DIXDC1: variants seen among roughly 807,000 people sequenced by gnomAD.
The protein encoded by DIXDC1 is DIX domain containing 1.
DIXDC1 carries 64 observed loss-of-function variants against 103.1 expected under a neutral mutation model. The observed-to-expected ratio is 0.62, with a 90% CI of 0.51 to 0.76. DIXDC1 has a LOEUF of 0.76. Ranked by LOEUF, DIXDC1 falls within the 30% of genes least tolerant of loss-of-function variation. DIXDC1 has a pLI of 0.00. For missense variants in DIXDC1, 759 were observed against 834.2 expected, an observed-to-expected ratio of 0.91 and a Z score of 1.11; for synonymous variants, 266 against 298.5, an observed-to-expected ratio of 0.89 and a Z score of 1.12.
chr11:111,959,556 C>T (rs896594609), intron 1 of DIXDC1, among the ~76,000 whole-genome samples: 7 of 152,360 alleles, frequency 4.6e-5, no homozygotes, highest in Non-Finnish European at 5.9e-5. Flanking sequence ...TTAGCAGGCA[C>T]GGGATCCAAG....
upstream of DIXDC1, among the ~76,000 whole-genome samples, chr11:111,936,991 GTGTGTGTA>G (rs782679437): frequency 0.14 from 21,080 of 151,102 alleles, 1,756 homozygotes; most frequent in African/African-American, 0.22. Context: ...GTCAACGTGT[GTGTGTGTA>G]TGTGTGTATG....
At chr11:111,970,521 G>C (rs1222104455) in intron 3 of DIXDC1, among the ~76,000 whole-genome samples, 2 of 152,028 alleles carry the variant, frequency 1.3e-5, no homozygotes, top group African/African-American at 4.8e-5. Flanking sequence ...AATTAGCTGG[G>C]TGTGGTGGTG....
chr11:112,004,364 G>A (rs969763039), intron 17 of DIXDC1, among the ~76,000 whole-genome samples: 1 of 152,174 alleles, frequency 6.6e-6, no homozygotes, highest in African/African-American at 2.4e-5. Flanking sequence ...CACTGTGGAA[G>A]CGAAGTAAAT....
intron 2 of DIXDC1, among the ~76,000 whole-genome samples, chr11:111,965,088 A>G (rs1555171389): frequency 2.0e-5 from 3 of 152,156 alleles, no homozygotes; most frequent in African/African-American, 7.2e-5. Flanking sequence ...GGCCTACCAG[A>G]AGAATTGGTA....
intron 17 of DIXDC1, among the ~76,000 whole-genome samples, chr11:112,006,455 A>G (rs1227170660): frequency 6.6e-6 from 1 of 152,244 alleles, no homozygotes; most frequent in Admixed American, 6.5e-5. Context: ...ATGGCGTTTG[A>G]GCTCTGAGAA....
At chr11:111,988,368 A>G (rs1860570549) in intron 9 of DIXDC1, among the ~76,000 whole-genome samples, 1 of 152,196 alleles carries the variant, frequency 6.6e-6, no homozygotes, top group African/African-American at 2.4e-5. Context: ...TGTTAATTGC[A>G]AAATCTTGAT....
intron 6 of DIXDC1, among the ~76,000 whole-genome samples, chr11:111,981,708 C>T (rs1329929110): frequency 6.6e-6 from 1 of 152,160 alleles, no homozygotes; most frequent in Non-Finnish European, 1.5e-5. Flanking sequence ...GAGTTTATGC[C>T]TTTCTGAATT....
intron 1 of DIXDC1, among the ~76,000 whole-genome samples, chr11:111,941,868 A>ACC (rs1212735048): frequency 2.0e-5 from 3 of 151,478 alleles, no homozygotes; most frequent in Non-Finnish European, 4.4e-5. Context: ...ACACACACAC[A>ACC]CACACCCACG....
At chr11:111,954,911 C>T (rs1966877197) in intron 1 of DIXDC1, among the ~76,000 whole-genome samples, 1 of 151,838 alleles carries the variant, frequency 6.6e-6, no homozygotes, top group South Asian at 2.1e-4. Context: ...TATATATATA[C>T]ACACACAACA....
At chr11:112,005,505 G>A (rs1265841624) in intron 17 of DIXDC1, among the ~76,000 whole-genome samples, 3 of 152,032 alleles carry the variant, frequency 2.0e-5, no homozygotes, top group African/African-American at 7.2e-5. Flanking sequence ...AGACAAGCCT[G>A]GGCAACATGG....
chr11:111,996,109 A>G lies in DIXDC1; in HGVS notation c.1719A>G (p.Val573=). The G allele has an allele frequency of 1.2e-6, 2 of 1,613,828 alleles. No homozygotes were observed. The highest frequency in any genetic ancestry group is 2.2e-5 in the East Asian group (1 of 44,886). The stretch of plus-strand genomic sequence containing the variant: ...GGGTCAAGTCACCCAGAACTCAAGT[A>G]GGTAGTGAATACCGGGAGTCCTGGC... ...KVRVKSPRTQ[V]GSEYRESWPP... Residue 573 remains valine, a synonymous_variant, in exon 17 of 20, where the codon GTA becomes GTG. Coordinates refer to ENST00000440460, the MANE Select transcript of DIXDC1 (RefSeq NM_001037954.4).
At chr11:111,972,459 T>C (rs1859967561) in intron 3 of DIXDC1, among the ~76,000 whole-genome samples, 1 of 152,202 alleles carries the variant, frequency 6.6e-6, no homozygotes, top group African/African-American at 2.4e-5. Flanking sequence ...CATTGATTTT[T>C]GTCCCCTTCT....
At chr11:111,993,139 A>G (rs1207703207) in intron 12 of DIXDC1, 135 bp downstream of exon 12, 5 of 1,021,912 alleles carry the variant, frequency 4.9e-6, no homozygotes, top group Non-Finnish European at 7.0e-6. Context: ...TTTAGAAGGA[A>G]GCATTTTTCT....
rs782680028 is a variant in DIXDC1 at position 111,976,089 on chromosome 11, C to T, written c.656+1106C>T. On this transcript the variant is annotated intron_variant, in intron 5 of 19. Transcript: ENST00000440460. This position sits in a 1 kb window ranked among gnomAD's most constrained non-coding sequence, Gnocchi z 4.3. The stretch of plus-strand genomic sequence containing the variant: ...TTCATCACCCCAAAAGGAAGCCCTG[C>T]GCCCATTAAGCAGCAGGTGTGCTTT... The T allele has an allele frequency of 9.1e-5, 20 of 218,858 alleles. No homozygotes were observed. Among genetic ancestry groups the T allele is most frequent in the Admixed American group, 2.0e-4 (3 of 15,342 alleles). 13.6% of individuals were successfully genotyped at this position (218,858 alleles called of 1,614,324 possible).
intron 7 of DIXDC1, among the ~76,000 whole-genome samples, chr11:111,983,987 T>C (rs1860407726): frequency 6.6e-6 from 1 of 152,224 alleles, no homozygotes; most frequent in Admixed American, 6.5e-5. Context: ...AGTTGATATT[T>C]CCATAATGTT....
rs1176332376 is a variant in DIXDC1 at position 111,958,469 on chromosome 11, G to A, written c.61-6080G>A. On this transcript the variant is annotated intron_variant, in intron 1 of 19. Coordinates refer to ENST00000440460, the MANE Select transcript of DIXDC1 (RefSeq NM_001037954.4). The surrounding 1 kb of genome is among the most constrained non-coding windows in gnomAD (Gnocchi z 4.2). ...CCGGGCACTGCCACAACCTGGCTGG[G>A]TGTGCACAGGGTTGGGGCAGCACTG... 6.6e-6 allele frequency among the ~76,000 whole-genome samples: 1 copy of A among 152,234 alleles called. No homozygotes were observed. The highest frequency in any genetic ancestry group is 2.4e-5 in the African/African-American group (1 of 41,474).
intron 3 of DIXDC1, among the ~76,000 whole-genome samples, chr11:111,972,247 T>A (rs1859960755): frequency 6.6e-6 from 1 of 152,244 alleles, no homozygotes; most frequent in African/African-American, 2.4e-5. Context: ...TTCACCAGAC[T>A]TACCACACTG....
chr11:111,977,737 G>A lies in DIXDC1; in HGVS notation c.656+2754G>A. On this transcript the variant is annotated intron_variant, in intron 5 of 19. Coordinates refer to ENST00000440460, the MANE Select transcript of DIXDC1 (RefSeq NM_001037954.4). The surrounding 1 kb of genome is among the most constrained non-coding windows in gnomAD (Gnocchi z 6.1). ...TCAGCCTCCCACTTCACCCGGGGAC[G>A]CAGGCTTGCTGAAGCCCGAGACAGG... The A allele has an allele frequency of 1.3e-6, 2 of 1,557,846 alleles. No individual in the cohort carries two copies. Among genetic ancestry groups the A allele is most frequent in the South Asian group, 1.2e-5 (1 of 84,554 alleles).
rs914002278 is a variant in DIXDC1 at position 111,992,265 on chromosome 11, C to G, written c.1114-150C>G. The G allele has an allele frequency of 4.7e-6, 3 of 639,694 alleles. No individual in the cohort carries two copies. The Admixed American group carries it at 9.1e-5, about 19-fold the overall frequency. 39.6% of individuals were successfully genotyped at this position (639,694 alleles called of 1,614,324 possible). A position where few individuals can be genotyped will look rare whatever the true frequency, so the allele number is the denominator to read the frequency against. ...AGAGGGGGACAGAAAAACCCCTCCTCAGCAACTCGTGGCAAGACCCTTTAC... is the reference window on the plus strand; with the variant it reads ...AGAGGGGGACAGAAAAACCCCTCCTGAGCAACTCGTGGCAAGACCCTTTAC... On this transcript the variant is annotated intron_variant, in intron 10 of 19. Transcript: ENST00000440460.
Sources: gnomAD v4.1 joint callset for allele counts (sites outside exome capture counted in the v4.1 genomes callset) on GRCh38, gnomAD v4.1.1 for gene constraint, Gnocchi (gnomAD v3.1) non-coding constraint, MANE v1.5 for transcripts, NCBI Gene and HGNC (gene_info 2026-07-23, HGNC 2026-07-21) for gene names.